Variants in ANK1 observed in about 807,000 individuals in gnomAD.
ANK1 encodes ankyrin 1.
In ANK1, 51 loss-of-function variants were observed where a neutral mutation model predicts 210.4. That is an observed-to-expected ratio of 0.24 (90% CI 0.19 to 0.31). ANK1 has a LOEUF of 0.31. Among genes scored for constraint, ANK1 ranks in the 10% least tolerant of loss-of-function variants. The pLI is 1.00. For missense variants in ANK1, 2,051 were observed against 2,504.4 expected, an observed-to-expected ratio of 0.82 and a Z score of 3.86; for synonymous variants, 967 against 1,025.9, an observed-to-expected ratio of 0.94 and a Z score of 1.10.
chr8:41,683,568 G>A (rs1586044035), intron 37 of ANK1, among the ~76,000 whole-genome samples: 1 of 152,376 alleles, frequency 6.6e-6, no homozygotes, highest in East Asian at 1.9e-4. Flanking sequence ...ACATCACCAT[G>A]CAGGCATCCA....
At chr8:41,864,672 A>G (rs553042263) in intron 1 of ANK1, among the ~76,000 whole-genome samples, 9 of 152,212 alleles carry the variant, frequency 5.9e-5, no homozygotes, top group Non-Finnish European at 8.8e-5. Context: ...CCCTGCAGAG[A>G]GATGAGTGCT....
chr8:41,696,746 G>T lies in ANK1; in HGVS notation c.2665C>A (p.Leu889Ile). ...QASKEYDEDS[L>I]IPSSPATETS... Reference sequence around the variant, plus strand: ...TCGGTGGCCGGGCTGCTGGGGATGAGGGAGTCCTCATCATACTCTTTAGAT... The same window carrying T: ...TCGGTGGCCGGGCTGCTGGGGATGATGGAGTCCTCATCATACTCTTTAGAT... The change falls in exon 25 of 43, where the codon CTC becomes ATC. Residue 889 changes from leucine (L) to isoleucine (I), a missense_variant. Around this residue, in one of 6 missense-constraint regions of ANK1, gnomAD observed 1,413 missense variants for 1,707.4 expected, o/e 0.83. Transcript: ENST00000289734. 2 of 1,600,534 alleles carry T rather than the reference G, an allele frequency of 1.2e-6. No individual in the cohort carries two copies. Among genetic ancestry groups the T allele is most frequent in the South Asian group, 1.1e-5 (1 of 90,954 alleles).
intron 1 of ANK1, among the ~76,000 whole-genome samples, chr8:41,853,684 A>G (rs1047319588): frequency 1.3e-5 from 2 of 152,176 alleles, no homozygotes; most frequent in Admixed American, 1.3e-4. Context: ...ACAGATACCT[A>G]TAGAGGCTGG....
Position 41,690,252 on chromosome 8 carries a change from T to C in ANK1, c.4079A>G (p.Asn1360Ser), listed in dbSNP as rs1422734791. Residue 1360 changes from asparagine (N) to serine (S), a missense_variant, in exon 33 of 43, where the codon AAC (asparagine) becomes AGC (serine). Transcript: ENST00000289734. ...CTTGGCGCAGGGGGGCATGGTGATG[T>C]TCAGGTGGCAGAGAATGTGCTGGGT... The part of the protein sequence containing the change: ...EDTQHILCHL[N>S]ITMPPCAKGS... 2 of 1,614,184 alleles carry C rather than the reference T, an allele frequency of 1.2e-6. No individual in the cohort carries two copies. The highest frequency in any genetic ancestry group is 1.7e-6 in the Non-Finnish European group (2 of 1,180,032).
rs1018785635 is a variant in ANK1 at position 41,783,455 on chromosome 8, G to C, written c.27+14057C>G. 9.9e-5 allele frequency among the ~76,000 whole-genome samples: 15 copies of C among 152,178 alleles called. No individual in the cohort carries two copies. In the South Asian group the frequency reaches 2.1e-3, roughly 21 times the overall value. On this transcript the variant is annotated intron_variant, in intron 1 of 42. Coordinates refer to ENST00000289734, the MANE Select transcript of ANK1 (RefSeq NM_000037.4). ...GCTGGTAGCAACCTGGTGACAATTC[G>C]GGACTTTTTTTCAGCCTTTTCAGTA...
chr8:41,680,552 T>G (rs1388294760), intron 37 of ANK1, among the ~76,000 whole-genome samples: 8 of 129,386 alleles, frequency 6.2e-5, no homozygotes, highest in African/African-American at 8.9e-5. Context: ...GCAACAAGGG[T>G]GAAACTCTAT....
intron 2 of ANK1, among the ~76,000 whole-genome samples, chr8:41,755,638 A>T (rs1838949581): frequency 6.6e-6 from 1 of 152,176 alleles, no homozygotes; most frequent in Non-Finnish European, 1.5e-5. Context: ...CAGCCTGTGC[A>T]GCTGCTTCTG....
intron 1 of ANK1, among the ~76,000 whole-genome samples, chr8:41,855,997 G>A (rs1457260243): frequency 5.9e-5 from 9 of 152,102 alleles, no homozygotes; most frequent in Non-Finnish European, 1.0e-4. Flanking sequence ...CCCTCAGCAC[G>A]GGAAATTCTG....
In ANK1 at chr8:41,688,580, C is replaced by A; in HGVS notation, c.4114G>T (p.Ala1372Ser). The change falls in exon 34 of 43, where the codon GCC becomes TCC. Residue 1372 changes from alanine (A) to serine (S), a missense_variant. Ala to Ser is a moderately conservative substitution (Grantham distance 99, BLOSUM62 1). This residue lies in a region of ANK1 where 1,413 missense variants were observed against 1,707.4 expected (regional missense o/e 0.83). Transcript: ENST00000289734. ...GTCGGGGTCCTTCTCCTATCTTCGG[C>A]TCCACTTCCCTGCAGAAGAAGAAAG... is the stretch of plus-strand genomic sequence containing the variant. ...TMPPCAKGSG[A>S]EDRRRTPTPL... The A allele has an allele frequency of 6.2e-7, 1 of 1,614,202 alleles. No homozygotes were observed. Among genetic ancestry groups the A allele is most frequent in the Non-Finnish European group, 8.5e-7 (1 of 1,180,020 alleles).
intron 42 of ANK1, among the ~76,000 whole-genome samples, chr8:41,658,919 T>C (rs1446606647): frequency 2.0e-5 from 3 of 151,224 alleles, no homozygotes; most frequent in Non-Finnish European, 2.9e-5. Context: ...AATAAATAAA[T>C]AAATAAATAA....
Position 41,694,112 on chromosome 8 carries a change from GAC to G in ANK1, c.3328-12_3328-11del, listed in dbSNP as rs1379770344. The G allele has an allele frequency of 6.2e-7, 1 of 1,612,622 alleles. No individual in the cohort carries two copies. On this transcript the variant is annotated splice_polypyrimidine_tract_variant and intron_variant, in intron 28 of 42. Transcript: ENST00000289734. The surrounding 1 kb of genome is among the most constrained non-coding windows in gnomAD (Gnocchi z 5.7). ...CCGGGACAGGCTGGGCCTGTGAAATGACAGAGGCAGGACACTCAGGCCCAAGC... is the reference window on the plus strand; with the variant it reads ...CCGGGACAGGCTGGGCCTGTGAAATGAGAGGCAGGACACTCAGGCCCAAGC...
intron 1 of ANK1, among the ~76,000 whole-genome samples, chr8:41,818,501 T>C (rs749001122): frequency 6.6e-6 from 1 of 152,232 alleles, no homozygotes; most frequent in Non-Finnish European, 1.5e-5. Context: ...TTGTTTAGGA[T>C]GTGAGCTCTC....
At chr8:41,737,705 C>T (rs371499633) in intron 2 of ANK1, among the ~76,000 whole-genome samples, 7 of 152,308 alleles carry the variant, frequency 4.6e-5, no homozygotes, top group Admixed American at 6.5e-5. Context: ...TCTATTACTG[C>T]GGGGATCTGA....
At chr8:41,670,712 CTGAGGGGTCACACAGGTGGG>C in intron 38 of ANK1, among the ~76,000 whole-genome samples, 1 of 152,208 alleles carries the variant, frequency 6.6e-6, no homozygotes, top group African/African-American at 2.4e-5. Context: ...CAGGGTGGGA[CTGAGGGGTCACACAGGTGGG>C]ACTGAGGGGT....
rs992106061 is a variant in ANK1 at position 41,661,492 on chromosome 8, C to G, written c.5617G>C (p.Ala1873Pro). The G allele has an allele frequency of 3.7e-6, 6 of 1,613,914 alleles. No individual in the cohort carries two copies. The African/African-American group carries it at 4.0e-5, about 11-fold the overall frequency. The change falls in exon 42 of 43, where the codon GCC (alanine) becomes CCC (proline). Residue 1873 changes from alanine (A) to proline (P), a missense_variant. Coordinates refer to ENST00000289734, the MANE Select transcript of ANK1 (RefSeq NM_000037.4). ...CACTGTTTCCCCCTTTTCAGGCTGG[C>G]CCGCTTCACTATCTGCGCCCCCTTC... ...GRKGAQIVKR[A>P]SLKRGKQ
chr8:41,896,698 C>A, exon 1 of ANK1: 1 of 372,928 alleles, frequency 2.7e-6, no homozygotes, highest in Non-Finnish European at 4.0e-6. Flanking sequence ...GATGGCGCTG[C>A]CGCCGCGGCC....
intron 1 of ANK1, among the ~76,000 whole-genome samples, chr8:41,806,071 T>C (rs933836131): frequency 1.3e-5 from 2 of 152,216 alleles, no homozygotes; most frequent in Admixed American, 6.5e-5. Context: ...AAAAGTCCAA[T>C]AACATTGCTG....
upstream of ANK1, chr8:41,797,627 G>A: frequency 6.3e-7 from 1 of 1,588,984 alleles, no homozygotes; most frequent in Non-Finnish European, 8.6e-7. The surrounding 1 kb of genome is among the most constrained non-coding windows in gnomAD (Gnocchi z 4.0). Context: ...GCCTCTGCGG[G>A]GCCTGTGACG....
At chr8:41,747,468 A>G (rs1318752659) in intron 2 of ANK1, among the ~76,000 whole-genome samples, 1 of 152,034 alleles carries the variant, frequency 6.6e-6, no homozygotes, top group African/African-American at 2.4e-5. Context: ...CTCTCTCAAG[A>G]CCCTCATCAC....
Sources: gnomAD v4.1 joint callset for allele counts (sites outside exome capture counted in the v4.1 genomes callset) on GRCh38, gnomAD v4.1.1 for gene constraint, gnomAD v4.1.1 regional missense constraint, Gnocchi (gnomAD v3.1) non-coding constraint, MANE v1.5 for transcripts, NCBI Gene and HGNC (gene_info 2026-07-23, HGNC 2026-07-21) for gene names.